Variants in SPAG1 observed in about 807,000 individuals in gnomAD.
SPAG1 encodes sperm-associated antigen 1.
SPAG1 carries 69 observed loss-of-function variants against 100.5 expected under a neutral mutation model. The ratio of observed to expected loss-of-function variants is 0.69; its 90% CI spans 0.57 to 0.84. The LOEUF (loss-of-function observed/expected upper bound fraction) is 0.84, where lower values mean the gene tolerates loss of function less well. Among genes scored for constraint, SPAG1 ranks in the 40% least tolerant of loss-of-function variants. The pLI is 0.00. For synonymous variants in SPAG1, 336 were observed against 411.6 expected (o/e 0.82, Z 2.22); for missense variants, 955 against 1,133.1 (o/e 0.84, Z 2.26).
chr8:100,181,806 C>A (rs1428690247), intron 4 of SPAG1, among the ~76,000 whole-genome samples: 2 of 152,186 alleles, frequency 1.3e-5, no homozygotes, highest in Non-Finnish European at 2.9e-5. Flanking sequence ...ATTGCAAAGA[C>A]CCTATTTCCA....
chr8:100,239,430 A>C lies in SPAG1; in HGVS notation c.2280+26A>C. ...GTATTTGTATTTGATTATCTTTGAA[A>C]GTACTCCTTTGGGGACCTTAGACTG... On this transcript the variant is annotated intron_variant, in intron 17 of 18. Coordinates refer to ENST00000388798, the MANE Select transcript of SPAG1 (RefSeq NM_003114.5). This position sits in a 1 kb window ranked among gnomAD's most constrained non-coding sequence, Gnocchi z 5.0. The C allele has an allele frequency of 1.4e-6, 2 of 1,451,330 alleles. No individual in the cohort carries two copies. Among genetic ancestry groups the C allele is most frequent in the Non-Finnish European group, 1.9e-6 (2 of 1,034,042 alleles). The allele number at this position is 1,451,330 out of a possible 1,614,324, so 89.9% of individuals were successfully genotyped here. A position where few individuals can be genotyped will look rare whatever the true frequency, so the allele number is the denominator to read the frequency against.
chr8:100,219,036 G>C (rs1818141560), intron 12 of SPAG1, among the ~76,000 whole-genome samples: 1 of 152,158 alleles, frequency 6.6e-6, no homozygotes, highest in South Asian at 2.1e-4. Flanking sequence ...GAACTGACCT[G>C]TGGGCATGTC....
intron 10 of SPAG1, among the ~76,000 whole-genome samples, chr8:100,202,571 G>A (rs866326895): frequency 1.3e-5 from 2 of 150,354 alleles, no homozygotes; most frequent in Non-Finnish European, 3.0e-5. Context: ...TTAGCCGGGC[G>A]TGGTAGCGGG....
rs1263164634 is a variant in SPAG1 at position 100,240,417 on chromosome 8, G to A, written c.2295G>A (p.Lys765=). The part of the protein sequence containing the change: ...KIEIQEVNEG[K]EEPGRPAGEV... The stretch of plus-strand genomic sequence containing the variant: ...TCTTCATGAAGGTGAATGAAGGCAA[G>A]GAGGAGCCTGGAAGACCTGCAGGGG... The change falls in exon 18 of 19, where the codon AAG becomes AAA. Residue 765 remains lysine (K), a synonymous_variant. Coordinates refer to ENST00000388798, the MANE Select transcript of SPAG1 (RefSeq NM_003114.5). 1 of 1,596,574 alleles carries A rather than the reference G, an allele frequency of 6.3e-7. No homozygotes were observed. Among genetic ancestry groups the A allele is most frequent in the African/African-American group, 1.4e-5 (1 of 73,586 alleles).
At chr8:100,185,470 A>G (rs919510547) in intron 7 of SPAG1, among the ~76,000 whole-genome samples, 1 of 152,190 alleles carries the variant, frequency 6.6e-6, no homozygotes, top group Non-Finnish European at 1.5e-5. Flanking sequence ...AGTATAATTT[A>G]AGCTTGTGTG....
chr8:100,159,551 GC>G (rs1360046430), intron 1 of SPAG1, among the ~76,000 whole-genome samples: 1 of 152,152 alleles, frequency 6.6e-6, no homozygotes, highest in Non-Finnish European at 1.5e-5. Flanking sequence ...TAAAATCATT[GC>G]CCAAGTACAG....
chr8:100,221,772 T>TGA (rs1818292823), intron 13 of SPAG1, among the ~76,000 whole-genome samples: 1 of 152,176 alleles, frequency 6.6e-6, no homozygotes, highest in Admixed American at 6.5e-5. Context: ...TGAAGGATGC[T>TGA]GAGAGAACAT....
At position 100,190,037 on chromosome 8, in the gene SPAG1, G is replaced by A. The variant is rs527551281; in HGVS notation, c.833-1353G>A. ...AAAATTTCTAACTTTTCAGGCAGGCGCGGTGGCTCATGCCTGTAATCCCAG... is the reference window on the plus strand; with the variant it reads ...AAAATTTCTAACTTTTCAGGCAGGCACGGTGGCTCATGCCTGTAATCCCAG... On this transcript the variant is annotated intron_variant, in intron 8 of 18. Coordinates refer to ENST00000388798, the MANE Select transcript of SPAG1 (RefSeq NM_003114.5). 5.5e-4 allele frequency among the ~76,000 whole-genome samples: 84 copies of A among 152,146 alleles called. 2 individuals are homozygous for A. In the South Asian group the frequency reaches 0.014, roughly 24 times the overall value.
chr8:100,162,131 C>A (rs577181332), intron 1 of SPAG1, 148 bp from the exon 2 acceptor site: 4 of 586,788 alleles, frequency 6.8e-6, no homozygotes, highest in East Asian at 6.6e-5. Flanking sequence ...AAGTTAGAGA[C>A]CAGCCTGGGC....
At chr8:100,213,012 C>CT (rs1267729154) in intron 10 of SPAG1, 78 bp from the exon 11 acceptor site, 20 of 1,230,762 alleles carry the variant, frequency 1.6e-5, no homozygotes, top group South Asian at 1.6e-4. Flanking sequence ...CGTCCTGCAC[C>CT]CCCGCGGCCT....
intron 10 of SPAG1, among the ~76,000 whole-genome samples, chr8:100,203,916 C>T (rs938876842): frequency 3.3e-5 from 5 of 152,132 alleles, no homozygotes; most frequent in African/African-American, 1.2e-4. Flanking sequence ...CAGGTGTCTA[C>T]CGTTAAAATA....
At chr8:100,160,626 CAAA>C (rs11422854) in intron 1 of SPAG1, among the ~76,000 whole-genome samples, 3 of 98,912 alleles carry the variant, frequency 3.0e-5, no homozygotes, top group African/African-American at 3.6e-5. Context: ...GACTCCAACT[CAAA>C]AAAAAAAAAA....
intron 10 of SPAG1, among the ~76,000 whole-genome samples, chr8:100,202,070 C>T (rs1817299553): frequency 6.6e-6 from 1 of 152,160 alleles, no homozygotes; most frequent in Admixed American, 6.5e-5. Context: ...AGCCCTCATC[C>T]TGTGGAATCT....
intron 10 of SPAG1, 129 bp from the exon 11 acceptor site, chr8:100,212,961 G>C (rs911630883): frequency 5.8e-6 from 4 of 688,974 alleles, no homozygotes; most frequent in Non-Finnish European, 8.5e-6. Context: ...TCCGCCCGCA[G>C]GGGCGGTGCC....
At chr8:100,172,656 G>A (rs1055886658) in intron 3 of SPAG1, among the ~76,000 whole-genome samples, 1 of 151,690 alleles carries the variant, frequency 6.6e-6, no homozygotes, top group Middle Eastern at 3.4e-3. Flanking sequence ...GTGTGTGTGT[G>A]TGTGTGTGTG....
In SPAG1 at chr8:100,162,332, T is replaced by C; in HGVS notation, c.52T>C (p.Phe18Leu). The change falls in exon 2 of 19, where the codon TTC (phenylalanine) becomes CTC (leucine). Residue 18 changes from phenylalanine (F) to leucine (L), a missense_variant. Phe to Leu is a conservative substitution (Grantham distance 22). Coordinates refer to ENST00000388798, the MANE Select transcript of SPAG1 (RefSeq NM_003114.5). ...GTGGGGCTTTGGAACAACAAAAACA[T>C]TCAAAATTCCCATTGAACATCTAGA... ...SLWGFGTTKTFKIPIEHLDFK... is the reference protein window; with the variant it reads ...SLWGFGTTKTLKIPIEHLDFK... 1 of 1,605,122 alleles carries C rather than the reference T, an allele frequency of 6.2e-7. No homozygotes were observed. The highest frequency in any genetic ancestry group is 8.5e-7 in the Non-Finnish European group (1 of 1,176,610).
intron 10 of SPAG1, among the ~76,000 whole-genome samples, chr8:100,199,623 T>G (rs1462137768): frequency 6.6e-6 from 1 of 152,100 alleles, no homozygotes; most frequent in Non-Finnish European, 1.5e-5. Flanking sequence ...TTTTTTGTAT[T>G]TTTAGTAGAG....
In SPAG1 at chr8:100,240,673, C is replaced by T. The variant is rs2132447546; in HGVS notation, c.2551C>T (p.Leu851Phe). 6.2e-7 allele frequency: 1 copy of T among 1,614,076 alleles called. No homozygotes were observed. Among genetic ancestry groups the T allele is most frequent in the Non-Finnish European group, 8.5e-7 (1 of 1,179,996 alleles). The change falls in exon 18 of 19, where the codon CTT (leucine) becomes TTT (phenylalanine). Residue 851 changes from leucine to phenylalanine, a missense_variant. Coordinates refer to ENST00000388798, the MANE Select transcript of SPAG1 (RefSeq NM_003114.5). ...LSNKLEGDTF[L>F]LLIQSLKNNL... ...TAACAAACTTGAAGGGGATACATTC[C>T]TTCTCCTCATTCAGTCTCTGAAAAA...
chr8:100,202,817 GCCAATACCAC>G (rs1268936797), intron 10 of SPAG1, among the ~76,000 whole-genome samples: 4 of 147,226 alleles, frequency 2.7e-5, no homozygotes, highest in Non-Finnish European at 5.9e-5. Flanking sequence ...CTTTCCTTAT[GCCAATACCAC>G]ACTGTTTTGA....
Sources: allele counts gnomAD v4.1 joint callset (sites outside exome capture counted in the v4.1 genomes callset), GRCh38; gene constraint gnomAD v4.1.1; non-coding constraint Gnocchi (gnomAD v3.1); transcripts MANE v1.5; gene names NCBI Gene and HGNC (gene_info 2026-07-23, HGNC 2026-07-21).